Variants in BCKDHA observed in about 807,000 individuals in gnomAD.
BCKDHA encodes the protein branched chain keto acid dehydrogenase E1 subunit alpha.
Under a neutral mutation model 52.2 loss-of-function variants are expected in BCKDHA, and 43 were observed. The observed-to-expected ratio is 0.82, with a 90% confidence interval of 0.64 to 1.06. The LOEUF is 1.06. BCKDHA is among the 50% of genes least tolerant of loss of function. BCKDHA has a pLI of 0.00. For synonymous variants in BCKDHA, 234 were observed against 247.9 expected, an observed-to-expected ratio of 0.94 and a Z score of 0.53; for missense variants, 527 against 621.3, an observed-to-expected ratio of 0.85 and a Z score of 1.61.
chr19:41,416,313 C>T (rs1254521801), intron 4 of BCKDHA, among the ~76,000 whole-genome samples: 3 of 152,138 alleles, frequency 2.0e-5, no homozygotes, highest in African/African-American at 7.2e-5. Flanking sequence ...CACTGCAGAG[C>T]GAGGGCACAC....
chr19:41,417,782 G>A (rs2039321013), intron 4 of BCKDHA, among the ~76,000 whole-genome samples: 1 of 151,994 alleles, frequency 6.6e-6, no homozygotes, highest in Non-Finnish European at 1.5e-5. Context: ...AAAATTAGCT[G>A]GATGTGGTGG....
intron 1 of BCKDHA, among the ~76,000 whole-genome samples, chr19:41,400,154 C>T (rs1231060151): frequency 6.6e-6 from 1 of 152,044 alleles, no homozygotes; most frequent in Non-Finnish European, 1.5e-5. Context: ...GCAGCCTCAA[C>T]CTCCTGGGCT....
chr19:41,419,312 C>T lies in BCKDHA; in HGVS notation c.646+16C>T, dbSNP rs778995282. Reference sequence around the variant, plus strand: ...ATCCCTCAGGGTGAGGATGCATGCCCTGTACCTTGCACATGTGCAGACCAA... The same window carrying T: ...ATCCCTCAGGGTGAGGATGCATGCCTTGTACCTTGCACATGTGCAGACCAA... On this transcript the variant is annotated intron_variant, in intron 5 of 8. Transcript: ENST00000269980. The T allele has an allele frequency of 1.9e-6, 3 of 1,607,044 alleles. No homozygotes were observed. Among genetic ancestry groups the T allele is most frequent in the Non-Finnish European group, 2.5e-6 (3 of 1,176,668 alleles).
At position 41,410,707 on chromosome 19, in the gene BCKDHA, A is replaced by G. The variant is rs758741573; in HGVS notation, c.179A>G (p.Glu60Gly). The change falls in exon 2 of 9, where the codon GAG (glutamate) becomes GGG (glycine). Residue 60 changes from glutamate (E) to glycine (G), a missense_variant. Transcript: ENST00000269980. Reference sequence around the variant, plus strand: ...CCCCAGTTCCCAGGGGCCTCGGCGGAGTTTATAGATAAGTTGGAATTCATC... The same window carrying G: ...CCCCAGTTCCCAGGGGCCTCGGCGGGGTTTATAGATAAGTTGGAATTCATC... ...DKPQFPGASA[E>G]FIDKLEFIQP... 7 of 1,614,034 alleles carry G rather than the reference A, an allele frequency of 4.3e-6. No individual in the cohort carries two copies. Among genetic ancestry groups the G allele is most frequent in the South Asian group, 3.3e-5 (3 of 91,076 alleles).
Position 41,423,071 on chromosome 19 carries a change from C to T in BCKDHA, c.1069C>T (p.Gln357Ter), listed in dbSNP as rs762199542. 2 of 1,591,900 alleles carry T rather than the reference C, an allele frequency of 1.3e-6. No homozygotes were observed. Among genetic ancestry groups the T allele is most frequent in the South Asian group, 2.3e-5 (2 of 87,768 alleles). The change falls in exon 8 of 9, where the codon CAG becomes TAG. Residue 357 changes from glutamine to a stop codon, truncating the protein, a stop_gained. Transcript: ENST00000269980. LOFTEE classifies it high-confidence loss of function. ...GGATGAGGTCAATTACTGGGATAAA[C>T]AGGACCACCCCATCTCCCGGCTGCG... ...SVDEVNYWDK[Q>*]DHPISRLRHY...
chr19:41,405,523 C>T (rs2039183217), intron 1 of BCKDHA, among the ~76,000 whole-genome samples: 1 of 152,124 alleles, frequency 6.6e-6, no homozygotes, highest in Admixed American at 6.6e-5. Flanking sequence ...AAGCGATCCT[C>T]CCTCCTTGGC....
At position 41,424,895 on chromosome 19, in the gene BCKDHA, C is replaced by A. The variant is rs1391226094; in HGVS notation, c.*287C>A. On this transcript the variant is annotated 3_prime_UTR_variant, in exon 9 of 9. Transcript: ENST00000269980. The stretch of plus-strand genomic sequence containing the variant: ...GTGAGGGCACATTCAGGACTAGAAG[C>A]CCCTCTGGGCATGGGGTGGACATGG... The A allele has an allele frequency of 2.7e-6, 1 of 376,412 alleles. No individual in the cohort carries two copies. Among genetic ancestry groups the A allele is most frequent in the East Asian group, 4.6e-5 (1 of 21,594 alleles). 23.3% of individuals were successfully genotyped at this position (376,412 alleles called of 1,614,324 possible). A position where few individuals can be genotyped will look rare whatever the true frequency, so the allele number is the denominator to read the frequency against.
chr19:41,422,751 A>G lies in BCKDHA; in HGVS notation c.976A>G (p.Ile326Val), dbSNP rs781688443. The change falls in exon 7 of 9, where the codon ATC becomes GTC. Residue 326 changes from isoleucine (I) to valine (V), a missense_variant. Physicochemically the swap from Ile to Val is conservative, Grantham distance 29. Transcript: ENST00000269980. Reference sequence around the variant, plus strand: ...TGTGGCAGAGAACCAGCCCTTCCTCATCGAGGCCATGACCTACAGGTGCCT... The same window carrying G: ...TGTGGCAGAGAACCAGCCCTTCCTCGTCGAGGCCATGACCTACAGGTGCCT... The part of the protein sequence containing the change: ...RAVAENQPFL[I>V]EAMTYRIGHH... 8.7e-5 allele frequency: 141 copies of G among 1,613,376 alleles called. No individual in the cohort carries two copies. Among genetic ancestry groups the G allele is most frequent in the Non-Finnish European group, 1.2e-4 (136 of 1,179,988 alleles).
chr19:41,422,560 G>C, intron 6 of BCKDHA, 69 bp from the exon 7 acceptor site: 1 of 1,607,158 alleles, frequency 6.2e-7, no homozygotes, highest in African/African-American at 1.3e-5. Flanking sequence ...CTCCCTGCTC[G>C]TCCCCTTGGC....
chr19:41,422,597 T>C, intron 6 of BCKDHA, 32 bp from the exon 7 acceptor site: 1 of 1,613,314 alleles, frequency 6.2e-7, no homozygotes, highest in Non-Finnish European at 8.5e-7. Flanking sequence ...ATCTCAGCCC[T>C]GGCCTGACCT....
chr19:41,405,992 A>T (rs1184233035), intron 1 of BCKDHA, among the ~76,000 whole-genome samples: 3 of 152,072 alleles, frequency 2.0e-5, no homozygotes, highest in Non-Finnish European at 4.4e-5. Context: ...AGAGGAACAG[A>T]TGGGTGGAGT....
chr19:41,411,829 C>T (rs2039257356), intron 3 of BCKDHA, among the ~76,000 whole-genome samples: 1 of 152,208 alleles, frequency 6.6e-6, no homozygotes, highest in Non-Finnish European at 1.5e-5. Context: ...CTCTTACCCA[C>T]GCTAACCTGG....
In BCKDHA at chr19:41,422,993, T is replaced by A; in HGVS notation, c.996-5T>A. 1 of 1,608,444 alleles carries A rather than the reference T, an allele frequency of 6.2e-7. No individual in the cohort carries two copies. Among genetic ancestry groups the A allele is most frequent in the Non-Finnish European group, 8.5e-7 (1 of 1,177,594 alleles). ...ACTGACCTGGGGCCCCTTGCCCCTG[T>A]GCAGGATCGGGCACCACAGCACCAG... On this transcript the variant is annotated splice_polypyrimidine_tract_variant and splice_region_variant and intron_variant, in intron 7 of 8. Coordinates refer to ENST00000269980, the MANE Select transcript of BCKDHA (RefSeq NM_000709.4).
chr19:41,414,315 G>A (rs2039287113), intron 4 of BCKDHA, among the ~76,000 whole-genome samples, 158 bp downstream of exon 4: 1 of 152,194 alleles, frequency 6.6e-6, no homozygotes, highest in South Asian at 2.1e-4. Context: ...TTAGGACTCT[G>A]GAGGGGGCAG....
At chr19:41,412,597 C>T (rs1190347445) in intron 3 of BCKDHA, among the ~76,000 whole-genome samples, 7 of 151,186 alleles carry the variant, frequency 4.6e-5, no homozygotes, top group Admixed American at 1.3e-4. Context: ...AGTCTGGTCT[C>T]GAACTCCCTA....
At chr19:41,418,533 G>A (rs926445922) in intron 4 of BCKDHA, among the ~76,000 whole-genome samples, 2 of 108,328 alleles carry the variant, frequency 1.8e-5, no homozygotes, top group African/African-American at 6.9e-5. Flanking sequence ...TCATAATGAT[G>A]ATTTTTTTTT....
At chr19:41,422,940 C>T (rs2039385613) in intron 7 of BCKDHA, 58 bp from the exon 8 acceptor site, 2 of 1,562,726 alleles carry the variant, frequency 1.3e-6, no homozygotes, top group African/African-American at 1.6e-5. Context: ...CCCATCCTCC[C>T]TCCTGACCCC....
chr19:41,418,673 G>A, intron 4 of BCKDHA: 1 of 437,488 alleles, frequency 2.3e-6, no homozygotes, highest in South Asian at 1.7e-5. Flanking sequence ...TGGAACCACA[G>A]GCACACATCA....
At chr19:41,411,236 G>A (rs2039250673) in intron 3 of BCKDHA, among the ~76,000 whole-genome samples, 1 of 152,154 alleles carries the variant, frequency 6.6e-6, no homozygotes, top group South Asian at 2.1e-4. Context: ...GTGCCTGGCT[G>A]GGGGCTCGCC....
Sources: allele counts gnomAD v4.1 joint callset (sites outside exome capture counted in the v4.1 genomes callset), GRCh38; gene constraint gnomAD v4.1.1; transcripts MANE v1.5; gene names NCBI Gene and HGNC (gene_info 2026-07-23, HGNC 2026-07-21).